Variants in CEP85L observed in about 807,000 individuals in gnomAD.
CEP85L encodes centrosomal protein 85L.
CEP85L carries 60 observed loss-of-function variants against 100.3 expected under a neutral mutation model. The ratio of observed to expected loss-of-function variants is 0.60; its 90% CI spans 0.49 to 0.74. The LOEUF is 0.74. Among genes scored for constraint, CEP85L ranks in the 30% least tolerant of loss-of-function variants. The pLI, the probability that CEP85L is intolerant of heterozygous loss-of-function variation, is 0.00. For missense variants in CEP85L, 973 were observed against 936.2 expected (o/e 1.04, Z -0.51); for synonymous variants, 319 against 322.7 (o/e 0.99, Z 0.12).
intron 2 of CEP85L, among the ~76,000 whole-genome samples, chr6:118,579,760 G>C (rs763924930): frequency 1.1e-4 from 16 of 152,174 alleles, no homozygotes; most frequent in Admixed American, 2.6e-4. Context: ...AGAAGACAAG[G>C]GGTCCTTGGC....
At chr6:118,484,770 A>T (rs550326851) in intron 6 of CEP85L, among the ~76,000 whole-genome samples, 3 of 72,542 alleles carry the variant, frequency 4.1e-5, no homozygotes, top group Admixed American at 2.9e-4. Context: ...CTATTTTGTT[A>T]CGTTAACAGA....
chr6:118,558,723 A>G (rs1779048469), intron 3 of CEP85L: 2 of 608,676 alleles, frequency 3.3e-6, no homozygotes, highest in East Asian at 2.8e-5. Context: ...GTTATAAATA[A>G]CAATAGTGCT....
chr6:118,684,771 T>C (rs1157313778), intron 1 of CEP85L, among the ~76,000 whole-genome samples: 1 of 152,194 alleles, frequency 6.6e-6, no homozygotes, highest in East Asian at 1.9e-4. Flanking sequence ...AACAAGGCAT[T>C]TTGATCTGCA....
intron 1 of CEP85L, among the ~76,000 whole-genome samples, chr6:118,700,934 G>A (rs1777383808): frequency 6.6e-6 from 1 of 152,196 alleles, no homozygotes; most frequent in Admixed American, 6.5e-5. Context: ...TTTTTCTTCA[G>A]TTCTCTTGTT....
At chr6:118,601,251 G>A (rs1781773480) in intron 2 of CEP85L, among the ~76,000 whole-genome samples, 1 of 152,182 alleles carries the variant, frequency 6.6e-6, no homozygotes, top group Non-Finnish European at 1.5e-5. Flanking sequence ...TATATAGGTT[G>A]TTAGTTATTG....
intron 2 of CEP85L, among the ~76,000 whole-genome samples, chr6:118,625,370 G>A (rs1035783887): frequency 1.4e-4 from 22 of 152,292 alleles, no homozygotes; most frequent in Middle Eastern, 6.8e-3. Flanking sequence ...CCCCAGTCCC[G>A]CCACGCCCGA....
At chr6:118,558,906 C>T (rs1779063075) in intron 3 of CEP85L, 1 of 1,611,774 alleles carries the variant, frequency 6.2e-7, no homozygotes, top group South Asian at 1.1e-5. Context: ...TTCAGACTTC[C>T]TGTCCTGCTG....
chr6:118,610,635 C>T (rs1054951187), intron 2 of CEP85L, among the ~76,000 whole-genome samples: 2 of 152,122 alleles, frequency 1.3e-5, no homozygotes, highest in African/African-American at 4.8e-5. Context: ...ATTGGGACTT[C>T]TATCACCACC....
At chr6:118,539,397 G>T (rs1245501826) in intron 3 of CEP85L, among the ~76,000 whole-genome samples, 1 of 152,144 alleles carries the variant, frequency 6.6e-6, no homozygotes, top group Non-Finnish European at 1.5e-5. Flanking sequence ...GTAGTTGTTA[G>T]TCGGCTATAC....
chr6:118,558,900 G>A (rs1583047374), intron 3 of CEP85L: 3 of 1,609,816 alleles, frequency 1.9e-6, no homozygotes, highest in African/African-American at 1.3e-5. Flanking sequence ...TAAAACTTCA[G>A]ACTTCCTGTC....
intron 1 of CEP85L, among the ~76,000 whole-genome samples, chr6:118,680,411 C>G (rs866824514): frequency 3.5e-4 from 40 of 112,830 alleles, no homozygotes; most frequent in African/African-American, 1.6e-3. Context: ...AAAATAATCC[C>G]TCAAAATTCC....
At chr6:118,525,483 G>A (rs1216750040) in intron 3 of CEP85L, among the ~76,000 whole-genome samples, 1 of 152,130 alleles carries the variant, frequency 6.6e-6, no homozygotes, top group African/African-American at 2.4e-5. Context: ...AATGTTTGGT[G>A]TCCCTAAAGA....
intron 6 of CEP85L, among the ~76,000 whole-genome samples, chr6:118,490,406 T>C (rs571463633): frequency 6.6e-6 from 1 of 152,312 alleles, no homozygotes; most frequent in Admixed American, 6.5e-5. Context: ...AGAAGTAAAA[T>C]GACTGGATCC....
chr6:118,610,336 A>G (rs954174233), intron 2 of CEP85L, among the ~76,000 whole-genome samples: 1 of 152,112 alleles, frequency 6.6e-6, no homozygotes, highest in Non-Finnish European at 1.5e-5. Context: ...GGCTGTAATA[A>G]AGCACCCTAA....
At chr6:118,566,601 T>G (rs1310172562) in intron 2 of CEP85L, among the ~76,000 whole-genome samples, 1 of 152,132 alleles carries the variant, frequency 6.6e-6, no homozygotes, top group Admixed American at 6.5e-5. Context: ...GTATTTTTAG[T>G]AGAGACGGGG....
At chr6:118,529,525 G>A (rs968857140) in intron 3 of CEP85L, among the ~76,000 whole-genome samples, 4 of 148,852 alleles carry the variant, frequency 2.7e-5, no homozygotes, top group African/African-American at 9.9e-5. Context: ...GGAGAATGGC[G>A]TGAACCTGGG....
chr6:118,544,444 G>A (rs1482052623), intron 3 of CEP85L, among the ~76,000 whole-genome samples: 2 of 152,086 alleles, frequency 1.3e-5, no homozygotes, highest in Admixed American at 6.5e-5. Context: ...TGCACTAGTG[G>A]TTACCTTCTA....
intron 1 of CEP85L, among the ~76,000 whole-genome samples, chr6:118,663,018 C>T (rs2115410335): frequency 6.6e-6 from 1 of 151,730 alleles, no homozygotes; most frequent in Middle Eastern, 3.4e-3. Flanking sequence ...TTTCTGCATA[C>T]TTTTTTGAAT....
At chr6:118,620,413 G>C (rs946814864) in intron 2 of CEP85L, among the ~76,000 whole-genome samples, 7 of 152,088 alleles carry the variant, frequency 4.6e-5, no homozygotes, top group Non-Finnish European at 1.0e-4. Flanking sequence ...GGTTCAGAAA[G>C]GACAAAAAAT....
Sources: allele counts gnomAD v4.1 joint callset (sites outside exome capture counted in the v4.1 genomes callset), GRCh38; gene constraint gnomAD v4.1.1; transcripts MANE v1.5; gene names NCBI Gene and HGNC (gene_info 2026-07-23, HGNC 2026-07-21).